OR52B4: variants seen among roughly 807,000 people sequenced by gnomAD.
The protein encoded by OR52B4 is olfactory receptor family 52 subfamily B member 4, also known as olfactory receptor 52B4.
For missense variants in OR52B4, 450 were observed against 387.0 expected, an observed-to-expected ratio of 1.16 and a Z score of -1.36; for synonymous variants, 182 against 142.3, an observed-to-expected ratio of 1.28 and a Z score of -1.98.
chr11:4,367,817 G>C lies in OR52B4; in HGVS notation c.479C>G (p.Pro160Arg). The C allele has an allele frequency of 5.6e-6, 9 of 1,613,642 alleles. No individual in the cohort carries two copies. The highest frequency in any genetic ancestry group is 7.6e-6 in the Non-Finnish European group (9 of 1,179,606). ...VSLRSYGTIF[P>R]IIFLLKRLTF... ...CAATCTTTTTAAAAGAAATATGATA[G>C]GGAAAATTGTACCATAACTTCTCAG... Residue 160 changes from proline to arginine, a missense_variant, in exon 1 of 1, where the codon CCT becomes CGT. Physicochemically the swap from Pro to Arg is moderately radical, Grantham distance 103. Coordinates refer to ENST00000624801, the MANE Select transcript of OR52B4 (RefSeq NM_001005161.3).
chr11:4,368,273 C>T lies in OR52B4; in HGVS notation c.23G>A (p.Gly8Asp). 1 of 1,610,654 alleles carries T rather than the reference C, an allele frequency of 6.2e-7. No individual in the cohort carries two copies. The highest frequency in any genetic ancestry group is 8.5e-7 in the Non-Finnish European group (1 of 1,177,630). The change falls in exon 1 of 1, where the codon GGC becomes GAC. Residue 8 changes from glycine (G) to aspartate (D), a missense_variant. Coordinates refer to ENST00000624801, the MANE Select transcript of OR52B4 (RefSeq NM_001005161.3). MPTVNHS[G>D]TSHTVFHLLG... ...CAAGTGGAAGACTGTGTGGCTAGTG[C>T]CACTGTGGTTTACAGTAGGCATAGC...
chr11:4,367,424 G>A lies in OR52B4; in HGVS notation c.872C>T (p.Pro291Leu). The change falls in exon 1 of 1, where the codon CCC (proline) becomes CTC (leucine). Residue 291 changes from proline to leucine, a missense_variant. Physicochemically the swap from Pro to Leu is moderately conservative, Grantham distance 98. Coordinates refer to ENST00000624801, the MANE Select transcript of OR52B4 (RefSeq NM_001005161.3). The part of the protein sequence containing the change: ...VCILAPPMLN[P>L]IIYGIKTKQI... ...CTTGGTTTTGATCCCATAAATAATG[G>A]GATTCAGCATAGGTGGAGCCAGAAT... is the stretch of plus-strand genomic sequence containing the variant. 1 of 1,613,750 alleles carries A rather than the reference G, an allele frequency of 6.2e-7. No individual in the cohort carries two copies. The highest frequency in any genetic ancestry group is 8.5e-7 in the Non-Finnish European group (1 of 1,179,808).
In OR52B4 at chr11:4,368,126, A is replaced by C; in HGVS notation, c.170T>G (p.Leu57Arg). ...GAGGAAGAGGTACATGGGTTCATGG[A>C]GGCTGCGCTTTGTGAGGATAATGAA... ...LIFIILTKRS[L>R]HEPMYLFLCM... Residue 57 changes from leucine to arginine, a missense_variant, in exon 1 of 1, where the codon CTC becomes CGC. Physicochemically the swap from Leu to Arg is moderately radical, Grantham distance 102. Transcript: ENST00000624801. 1.2e-6 allele frequency: 2 copies of C among 1,613,968 alleles called. No homozygotes were observed. The highest frequency in any genetic ancestry group is 1.7e-6 in the Non-Finnish European group (2 of 1,179,976).
rs771446083 is a variant in OR52B4, at chr11:4,367,573, G to A, written c.723C>T (p.Asn241=). Residue 241 remains asparagine, a synonymous_variant, in exon 1 of 1, where the codon AAC becomes AAT. Transcript: ENST00000624801. ...TGATGCAGACATGGGAGCCAAATGT[G>A]TTGAGAGCTTTGTGGCAAGCATCTG... is the stretch of plus-strand genomic sequence containing the variant. The part of the protein sequence containing the change: ...PSPDACHKAL[N]TFGSHVCIII... The A allele has an allele frequency of 1.2e-6, 2 of 1,613,998 alleles. No homozygotes were observed. The highest frequency in any genetic ancestry group is 1.7e-6 in the Non-Finnish European group (2 of 1,179,896).
In OR52B4 at chr11:4,367,838, C is replaced by T. The variant is rs1178536761; in HGVS notation, c.458G>A (p.Arg153Lys). ...GATAGGGAAAATTGTACCATAACTT[C>T]TCAGAGAGACAGTCACACAAATTTT... ...IKKICVTVSLRSYGTIFPIIF... is the reference protein window; with the variant it reads ...IKKICVTVSLKSYGTIFPIIF... The change falls in exon 1 of 1, where the codon AGA becomes AAA. Residue 153 changes from arginine (R) to lysine (K), a missense_variant. Physicochemically the swap from Arg to Lys is conservative, Grantham distance 26. Transcript: ENST00000624801. 20 of 1,613,804 alleles carry T rather than the reference C, an allele frequency of 1.2e-5. No individual in the cohort carries two copies. The highest frequency in any genetic ancestry group is 1.7e-5 in the Non-Finnish European group (20 of 1,179,868).
rs2094936215 is a variant in OR52B4 at position 4,367,644 on chromosome 11, T to C, written c.652A>G (p.Ile218Val). The change falls in exon 1 of 1, where the codon ATT (isoleucine) becomes GTT (valine). Residue 218 changes from isoleucine to valine, a missense_variant. By Grantham distance (29) the Ile-to-Val change is conservative (BLOSUM62 3). Coordinates refer to ENST00000624801, the MANE Select transcript of OR52B4 (RefSeq NM_001005161.3). ...GCATGGAGAATCAGCATATAGGAAATAAAAATTAGTACAACATCTAAGACC... is the reference window on the plus strand; with the variant it reads ...GCATGGAGAATCAGCATATAGGAAACAAAAATTAGTACAACATCTAAGACC... ...TVVLDVVLIF[I>V]SYMLILHAVF... 1 of 1,613,900 alleles carries C rather than the reference T, an allele frequency of 6.2e-7. No homozygotes were observed. The highest frequency in any genetic ancestry group is 1.1e-5 in the South Asian group (1 of 91,064).
chr11:4,368,369 G>T lies in OR52B4; in HGVS notation c.-74C>A. The stretch of plus-strand genomic sequence containing the variant: ...GAAGATAAAATCTGCAACATTCTTT[G>T]CGATGTCACCAGGAGCTTATGGCAT... On this transcript the variant is annotated 5_prime_UTR_variant, in exon 1 of 1. Coordinates refer to ENST00000624801, the MANE Select transcript of OR52B4 (RefSeq NM_001005161.3). 1 of 738,962 alleles carries T rather than the reference G, an allele frequency of 1.4e-6. No homozygotes were observed. Among genetic ancestry groups the T allele is most frequent in the Non-Finnish European group, 2.3e-6 (1 of 440,670 alleles). 45.8% of individuals were successfully genotyped at this position (738,962 alleles called of 1,614,324 possible). A position where few individuals can be genotyped will look rare whatever the true frequency, so the allele number is the denominator to read the frequency against.
rs574126653 is a variant in OR52B4, at chr11:4,367,984, G to A, written c.312C>T (p.Phe104=). 48 of 1,614,044 alleles carry A rather than the reference G, an allele frequency of 3.0e-5. No homozygotes were observed. In the South Asian group the frequency reaches 4.5e-4, roughly 15 times the overall value. Residue 104 remains phenylalanine (F), a synonymous_variant, in exon 1 of 1, where the codon TTC becomes TTT. Transcript: ENST00000624801. ...CAGAGATGAAGGTGGAATGGATGAAGAAGAGCTGAGTGATGCAACGATCCA... is the reference window on the plus strand; with the variant it reads ...CAGAGATGAAGGTGGAATGGATGAAAAAGAGCTGAGTGATGCAACGATCCA... The part of the protein sequence containing the change: ...ISLDRCITQL[F]FIHSTFISES...
In OR52B4 at chr11:4,367,339, C is replaced by G. The variant is rs2094935751; in HGVS notation, c.*12G>C. ...AGCTAGAGATTCTGAAAACTCAGTT[C>G]TTAAACCAAAGTTATTTCTGTTTTA... On this transcript the variant is annotated 3_prime_UTR_variant, in exon 1 of 1. Coordinates refer to ENST00000624801, the MANE Select transcript of OR52B4 (RefSeq NM_001005161.3). 2 of 1,573,892 alleles carry G rather than the reference C, an allele frequency of 1.3e-6. No individual in the cohort carries two copies. Among genetic ancestry groups the G allele is most frequent in the African/African-American group, 2.7e-5 (2 of 73,832 alleles).
In OR52B4 at chr11:4,368,344, G is replaced by A; in HGVS notation, c.-49C>T. The A allele has an allele frequency of 1.0e-6, 1 of 1,002,226 alleles. No homozygotes were observed. The highest frequency in any genetic ancestry group is 1.5e-6 in the Non-Finnish European group (1 of 662,406). The allele number at this position is 1,002,226 out of a possible 1,614,324, so 62.1% of individuals were successfully genotyped here. On this transcript the variant is annotated 5_prime_UTR_variant, in exon 1 of 1. Transcript: ENST00000624801. ...TCACCTCCTACTCACAGAGGTAGAAGAAGATAAAATCTGCAACATTCTTTG... is the reference window on the plus strand; with the variant it reads ...TCACCTCCTACTCACAGAGGTAGAAAAAGATAAAATCTGCAACATTCTTTG...
At position 4,368,065 on chromosome 11, in the gene OR52B4, C is replaced by A; in HGVS notation, c.231G>T (p.Thr77=). ...MLAGADIVLS[T]CTIPQALAIF... ...TAGCTAAGGCCTGAGGAATGGTGCA[C>A]GTGGAGAGGACAATGTCTGCTCCAG... Residue 77 remains threonine, a synonymous_variant, in exon 1 of 1, where the codon ACG becomes ACT. Transcript: ENST00000624801. 6.2e-7 allele frequency: 1 copy of A among 1,613,846 alleles called. No homozygotes were observed. Among genetic ancestry groups the A allele is most frequent in the Non-Finnish European group, 8.5e-7 (1 of 1,179,968 alleles).
In OR52B4 at chr11:4,367,926, G is replaced by A. The variant is rs1407166059; in HGVS notation, c.370C>T (p.His124Tyr). 7 of 1,613,862 alleles carry A rather than the reference G, an allele frequency of 4.3e-6. No homozygotes were observed. Among genetic ancestry groups the A allele is most frequent in the Admixed American group, 1.7e-5 (1 of 59,974 alleles). ...SGILLVMAFD[H>Y]YIAICYPLRY... ...AGTGGGTAGCATATGGCAATATAGT[G>A]GTCAAAGGCCATCACCAGCAAGATC... Residue 124 changes from histidine to tyrosine, a missense_variant, in exon 1 of 1, where the codon CAC becomes TAC. Transcript: ENST00000624801.
At position 4,367,628 on chromosome 11, in the gene OR52B4, A is replaced by G. The variant is rs768549206; in HGVS notation, c.668T>C (p.Ile223Thr). Reference protein sequence around the residue: ...VVLIFISYMLILHAVFHMPSP... With the variant: ...VVLIFISYMLTLHAVFHMPSP... ...AGGCATGTGGAAGACAGCATGGAGA[A>G]TCAGCATATAGGAAATAAAAATTAG... is the stretch of plus-strand genomic sequence containing the variant. The change falls in exon 1 of 1, where the codon ATT (isoleucine) becomes ACT (threonine). Residue 223 changes from isoleucine to threonine, a missense_variant. Coordinates refer to ENST00000624801, the MANE Select transcript of OR52B4 (RefSeq NM_001005161.3). 3.7e-6 allele frequency: 6 copies of G among 1,614,118 alleles called. No individual in the cohort carries two copies. The highest frequency in any genetic ancestry group is 1.3e-5 in the African/African-American group (1 of 75,032).
chr11:4,367,815 T>C lies in OR52B4; in HGVS notation c.481A>G (p.Ile161Val), dbSNP rs763740614. The part of the protein sequence containing the change: ...SLRSYGTIFP[I>V]IFLLKRLTFC... ...GTCAATCTTTTTAAAAGAAATATGATAGGGAAAATTGTACCATAACTTCTC... is the reference window on the plus strand; with the variant it reads ...GTCAATCTTTTTAAAAGAAATATGACAGGGAAAATTGTACCATAACTTCTC... Residue 161 changes from isoleucine to valine, a missense_variant, in exon 1 of 1, where the codon ATC becomes GTC. Physicochemically the swap from Ile to Val is conservative, Grantham distance 29. Coordinates refer to ENST00000624801, the MANE Select transcript of OR52B4 (RefSeq NM_001005161.3). 1.2e-6 allele frequency: 2 copies of C among 1,613,746 alleles called. No homozygotes were observed. The highest frequency in any genetic ancestry group is 2.2e-5 in the East Asian group (1 of 44,880).
Position 4,367,987 on chromosome 11 carries a change from G to A in OR52B4, c.309C>T (p.Leu103=), listed in dbSNP as rs1385244145. 2 of 1,614,046 alleles carry A rather than the reference G, an allele frequency of 1.2e-6. No homozygotes were observed. Among genetic ancestry groups the A allele is most frequent in the Non-Finnish European group, 1.7e-6 (2 of 1,180,000 alleles). ...AGATGAAGGTGGAATGGATGAAGAAGAGCTGAGTGATGCAACGATCCAGGG... is the reference window on the plus strand; with the variant it reads ...AGATGAAGGTGGAATGGATGAAGAAAAGCTGAGTGATGCAACGATCCAGGG... ...DISLDRCITQ[L]FFIHSTFISE... Residue 103 remains leucine (L), a synonymous_variant, in exon 1 of 1, where the codon CTC becomes CTT. Transcript: ENST00000624801.
Position 4,368,110 on chromosome 11 carries a change from G to T in OR52B4, c.186C>A (p.Tyr62Ter), listed in dbSNP as rs749271924. Residue 62 changes from tyrosine (Y) to a stop codon, truncating the protein, a stop_gained, in exon 1 of 1, where the codon TAC becomes TAA. Transcript: ENST00000624801. LOFTEE classifies it low-confidence loss of function (END_TRUNC). ...CTCCAGCCAGCATGCAGAGGAAGAG[G>T]TACATGGGTTCATGGAGGCTGCGCT... ...LTKRSLHEPM[Y>*]LFLCMLAGAD... The T allele has an allele frequency of 2.0e-5, 32 of 1,614,008 alleles. No homozygotes were observed. The South Asian group carries it at 3.4e-4, about 17-fold the overall frequency.
rs2094936023 is a variant in OR52B4, at chr11:4,367,530, A to G, written c.766T>C (p.Ser256Pro). ...TGGGTAAGGATTGTGAAGATGCCAG[A>G]CCCATAAAAGAGGATGATGATGCAG... ...HVCIIILFYG[S>P]GIFTILTQRF... The change falls in exon 1 of 1, where the codon TCT (serine) becomes CCT (proline). Residue 256 changes from serine to proline, a missense_variant. Physicochemically the swap from Ser to Pro is moderately conservative, Grantham distance 74 (BLOSUM62 -1). Coordinates refer to ENST00000624801, the MANE Select transcript of OR52B4 (RefSeq NM_001005161.3). The G allele has an allele frequency of 6.2e-7, 1 of 1,614,074 alleles. No homozygotes were observed. The highest frequency in any genetic ancestry group is 8.5e-7 in the Non-Finnish European group (1 of 1,179,972).
Position 4,368,230 on chromosome 11 carries a change from T to C in OR52B4, c.66A>G (p.Leu22=). 1 of 1,613,862 alleles carries C rather than the reference T, an allele frequency of 6.2e-7. No individual in the cohort carries two copies. The highest frequency in any genetic ancestry group is 8.5e-7 in the Non-Finnish European group (1 of 1,179,848). The change falls in exon 1 of 1, where the codon CTA becomes CTG. Residue 22 remains leucine (L), a synonymous_variant. Coordinates refer to ENST00000624801, the MANE Select transcript of OR52B4 (RefSeq NM_001005161.3). The part of the protein sequence containing the change: ...TVFHLLGIPG[L]QDQHMWISIP... ...TAGAAATCCACATGTGCTGGTCCTG[T>C]AGGCCAGGGATGCCCAGCAAGTGGA...
chr11:4,367,273 T>C lies in OR52B4; in HGVS notation c.*78A>G, dbSNP rs1227042946. 1.2e-6 allele frequency: 1 copy of C among 838,730 alleles called. No individual in the cohort carries two copies. The allele number at this position is 838,730 out of a possible 1,614,324, so 52.0% of individuals were successfully genotyped here. A position where few individuals can be genotyped will look rare whatever the true frequency, so the allele number is the denominator to read the frequency against. ...CTGAGTTATTTCCTACGGTATCAGCTGACCTCTCCCATCTACCACTTTCAT... is the reference window on the plus strand; with the variant it reads ...CTGAGTTATTTCCTACGGTATCAGCCGACCTCTCCCATCTACCACTTTCAT... On this transcript the variant is annotated 3_prime_UTR_variant, in exon 1 of 1. Coordinates refer to ENST00000624801, the MANE Select transcript of OR52B4 (RefSeq NM_001005161.3).
Sources: gnomAD v4.1 joint callset for allele counts on GRCh38, gnomAD v4.1.1 for gene constraint, MANE v1.5 for transcripts, NCBI Gene and HGNC (gene_info 2026-07-23, HGNC 2026-07-21) for gene names.